CLNK: variants seen among roughly 807,000 people sequenced by gnomAD.
CLNK encodes cytokine dependent hematopoietic cell linker, also known as cytokine-dependent hematopoietic cell linker.
Under a neutral mutation model 68.6 loss-of-function variants are expected in CLNK, and 74 were observed. The ratio of observed to expected loss-of-function variants is 1.08; its 90% confidence interval spans 0.89 to 1.31. CLNK has a LOEUF of 1.31. Among genes scored for constraint, CLNK ranks in the 50% most tolerant of loss-of-function variants. The probability of loss-of-function intolerance (pLI) is 0.00; values close to 1 mark genes in which losing one functional copy is unlikely to be tolerated. For missense variants in CLNK, 553 were observed against 515.3 expected (o/e 1.07, Z -0.71); for synonymous variants, 198 against 172.2 (o/e 1.15, Z -1.17).
chr4:10,570,561 A>G (rs75621839), intron 5 of CLNK, among the ~76,000 whole-genome samples: 5,823 of 152,064 alleles, frequency 0.038, 191 homozygotes, highest in Non-Finnish European at 0.061. Flanking sequence ...TTGTGTGTGC[A>G]TGTGTGTGTA....
intron 17 of CLNK, among the ~76,000 whole-genome samples, chr4:10,506,871 C>T (rs1038882008): frequency 4.6e-5 from 7 of 152,038 alleles, no homozygotes; most frequent in African/African-American, 1.7e-4. Context: ...GCGATCTCAG[C>T]TCACTGCAAG....
At chr4:10,674,754 T>G (rs919919213) in intron 1 of CLNK, among the ~76,000 whole-genome samples, 1 of 152,182 alleles carries the variant, frequency 6.6e-6, no homozygotes, top group Non-Finnish European at 1.5e-5. Flanking sequence ...ATGATTATAT[T>G]TGATTAGCTC....
chr4:10,593,546 C>T lies in CLNK; in HGVS notation c.83+4432G>A, dbSNP rs1268940935. Among the ~76,000 whole-genome samples the T allele has an allele frequency of 2.0e-5, 3 of 152,114 alleles. No homozygotes were observed. The East Asian group carries it at 5.8e-4, about 29-fold the overall frequency. On this transcript the variant is annotated intron_variant, in intron 3 of 18. Coordinates refer to ENST00000226951, the MANE Select transcript of CLNK (RefSeq NM_052964.4). Reference sequence around the variant, plus strand: ...GCAGGCAGCTGTAATCCCAGCTACTCAGGAGGCTGAGGCACAAGAATTGCT... The same window carrying T: ...GCAGGCAGCTGTAATCCCAGCTACTTAGGAGGCTGAGGCACAAGAATTGCT...
chr4:10,665,124 T>C (rs1185895806), intron 2 of CLNK, among the ~76,000 whole-genome samples: 1 of 152,216 alleles, frequency 6.6e-6, no homozygotes, highest in Non-Finnish European at 1.5e-5. Context: ...GGACTCATCC[T>C]AATGGGAGGA....
chr4:10,710,514 T>G, the CLNK span, among the ~76,000 whole-genome samples: 1 of 152,242 alleles, frequency 6.6e-6, no homozygotes, highest in Non-Finnish European at 1.5e-5. Flanking sequence ...AGTGATTATG[T>G]GCCAGACACT....
At chr4:10,565,635 T>C (rs1720078120) in intron 6 of CLNK, among the ~76,000 whole-genome samples, 1 of 152,192 alleles carries the variant, frequency 6.6e-6, no homozygotes, top group Non-Finnish European at 1.5e-5. Flanking sequence ...ACATTTCCCA[T>C]GCTGCTGCAT....
At chr4:10,660,582 T>C (rs1379200773) in intron 2 of CLNK, among the ~76,000 whole-genome samples, 1 of 152,216 alleles carries the variant, frequency 6.6e-6, no homozygotes, top group Non-Finnish European at 1.5e-5. Flanking sequence ...CTTTGTGACA[T>C]TTTCAAAGAC....
At chr4:10,719,611 C>T in the CLNK span, among the ~76,000 whole-genome samples, 2 of 152,016 alleles carry the variant, frequency 1.3e-5, no homozygotes, top group African/African-American at 4.8e-5. Flanking sequence ...GATGAATTCA[C>T]AATTGCAGAT....
upstream of CLNK, among the ~76,000 whole-genome samples, chr4:10,687,591 ATAT>A (rs1725312593): frequency 6.6e-6 from 1 of 152,154 alleles, no homozygotes; most frequent in Non-Finnish European, 1.5e-5. Context: ...AAGGCCAAAG[ATAT>A]TGTCAATCTG....
intron 1 of CLNK, among the ~76,000 whole-genome samples, chr4:10,677,060 C>G (rs1000822714): frequency 1.1e-4 from 17 of 149,266 alleles, no homozygotes; most frequent in Admixed American, 8.1e-4. Flanking sequence ...TGGATTAAAT[C>G]AGAACTTACC....
At chr4:10,684,114 A>T (rs1170343072) in intron 1 of CLNK, among the ~76,000 whole-genome samples, 1 of 152,184 alleles carries the variant, frequency 6.6e-6, no homozygotes, top group Non-Finnish European at 1.5e-5. Flanking sequence ...TAAGAATTTA[A>T]CCCCAACTTT....
chr4:10,585,005 C>A (rs778010181), intron 3 of CLNK, 50 bp from the exon 4 acceptor site: 2 of 1,597,676 alleles, frequency 1.3e-6, no homozygotes, highest in Non-Finnish European at 1.7e-6. Flanking sequence ...CCACCTCCAC[C>A]GACCCCCCGC....
chr4:10,593,652 T>G (rs1315276501), intron 3 of CLNK, among the ~76,000 whole-genome samples: 3 of 151,970 alleles, frequency 2.0e-5, no homozygotes, highest in Non-Finnish European at 4.4e-5. Flanking sequence ...AGACTCAGTC[T>G]GAAAACAAAA....
At chr4:10,706,214 G>A in the CLNK span, among the ~76,000 whole-genome samples, 1 of 152,202 alleles carries the variant, frequency 6.6e-6, no homozygotes, top group Non-Finnish European at 1.5e-5. Flanking sequence ...CAGCCCACAT[G>A]TGTCCTTGGG....
At chr4:10,710,431 C>T in the CLNK span, among the ~76,000 whole-genome samples, 1 of 152,184 alleles carries the variant, frequency 6.6e-6, no homozygotes, top group Admixed American at 6.5e-5. Context: ...ACCAGCCTTT[C>T]TGAGTTTTTG....
intron 2 of CLNK, among the ~76,000 whole-genome samples, chr4:10,655,974 G>T (rs1723964136): frequency 6.6e-6 from 1 of 151,706 alleles, no homozygotes; most frequent in Non-Finnish European, 1.5e-5. Flanking sequence ...ATATAGAGCC[G>T]GGTAAATTGT....
intron 17 of CLNK, among the ~76,000 whole-genome samples, chr4:10,505,024 A>G (rs139252546): frequency 6.6e-6 from 1 of 152,324 alleles, no homozygotes; most frequent in East Asian, 1.9e-4. Flanking sequence ...TTGCTTTTCC[A>G]GCACAATCCA....
intron 2 of CLNK, among the ~76,000 whole-genome samples, chr4:10,619,893 G>GAGGCTGCT (rs1722369327): frequency 1.3e-5 from 2 of 152,132 alleles, no homozygotes; most frequent in Non-Finnish European, 2.9e-5. Context: ...CTACAGGCCA[G>GAGGCTGCT]ACTCTTCTGC....
chr4:10,600,288 G>A (rs1169057524), intron 2 of CLNK, among the ~76,000 whole-genome samples: 1 of 152,110 alleles, frequency 6.6e-6, no homozygotes, highest in East Asian at 1.9e-4. Flanking sequence ...TCCGCTTTGA[G>A]TCCCTCTGGT....
Sources: allele counts gnomAD v4.1 joint callset (sites outside exome capture counted in the v4.1 genomes callset), GRCh38; gene constraint gnomAD v4.1.1; transcripts MANE v1.5; gene names NCBI Gene and HGNC (gene_info 2026-07-23, HGNC 2026-07-21).